The following MBD5 variants were observed in gnomAD, a reference collection of about 807,000 sequenced individuals.
The protein encoded by MBD5 is methyl-CpG-binding domain protein 5.
Under a neutral mutation model 117.3 loss-of-function variants are expected in MBD5, and 13 were observed. The observed-to-expected ratio is 0.11, with a 90% CI of 0.07 to 0.18. The LOEUF (loss-of-function observed/expected upper bound fraction) is 0.18, where lower values mean the gene tolerates loss of function less well. Ranked by LOEUF, MBD5 falls within the 10% of genes least tolerant of loss-of-function variation. The pLI, the probability that MBD5 is intolerant of heterozygous loss-of-function variation, is 1.00. For synonymous variants in MBD5, 727 were observed against 766.4 expected, an observed-to-expected ratio of 0.95 and a Z score of 0.85; for missense variants, 1,879 against 2,093.8, an observed-to-expected ratio of 0.90 and a Z score of 2.00.
intron 3 of MBD5, among the ~76,000 whole-genome samples, chr2:148,307,374 T>A (rs559230059): frequency 7.4e-6 from 1 of 134,840 alleles, no homozygotes; most frequent in African/African-American, 2.7e-5. Context: ...TCTTAGCAAC[T>A]TGATTATACA....
At chr2:148,314,831 A>T (rs1702122146) in intron 3 of MBD5, among the ~76,000 whole-genome samples, 5 of 152,174 alleles carry the variant, frequency 3.3e-5, no homozygotes, top group African/African-American at 1.2e-4. Flanking sequence ...TTACCAAAAC[A>T]GTTGGCAACT....
chr2:148,088,545 G>A (rs1410758003), intron 1 of MBD5, among the ~76,000 whole-genome samples: 1 of 151,996 alleles, frequency 6.6e-6, no homozygotes, highest in East Asian at 1.9e-4. Context: ...AAGGGACTAG[G>A]GTCCTATTTT....
chr2:148,068,940 A>T (rs929672199), intron 1 of MBD5, among the ~76,000 whole-genome samples: 1 of 152,236 alleles, frequency 6.6e-6, no homozygotes, highest in Non-Finnish European at 1.5e-5. Context: ...TATAACCAAT[A>T]GGTGAGAGAA....
At chr2:148,404,451 T>G (rs900317537) in intron 4 of MBD5, among the ~76,000 whole-genome samples, 1 of 148,888 alleles carries the variant, frequency 6.7e-6, no homozygotes, top group Admixed American at 6.7e-5. Context: ...AAAGGAAACT[T>G]CTATAGATCC....
At chr2:148,052,283 T>C (rs1694732254) in intron 1 of MBD5, among the ~76,000 whole-genome samples, 1 of 148,158 alleles carries the variant, frequency 6.7e-6, no homozygotes, top group South Asian at 2.2e-4. Flanking sequence ...CAATCTTGGC[T>C]CACTGCAACC....
intron 3 of MBD5, among the ~76,000 whole-genome samples, chr2:148,327,636 G>A (rs1702496133): frequency 6.6e-6 from 1 of 151,164 alleles, no homozygotes; most frequent in Non-Finnish European, 1.5e-5. Flanking sequence ...GATCGCATTG[G>A]CTCCTGAGGC....
At chr2:148,304,746 G>A (rs1035242635) in intron 3 of MBD5, among the ~76,000 whole-genome samples, 2 of 152,138 alleles carry the variant, frequency 1.3e-5, no homozygotes, top group African/African-American at 2.4e-5. Context: ...GAGAATTCTG[G>A]CTGAACTGAC....
intron 1 of MBD5, among the ~76,000 whole-genome samples, chr2:148,139,837 C>T (rs540813948): frequency 6.6e-5 from 10 of 152,306 alleles, no homozygotes; most frequent in African/African-American, 2.4e-4. Flanking sequence ...TGGGCCCCAA[C>T]ATATCCTGTT....
At chr2:148,355,578 T>C (rs1703360914) in intron 4 of MBD5, among the ~76,000 whole-genome samples, 1 of 152,182 alleles carries the variant, frequency 6.6e-6, no homozygotes, top group Admixed American at 6.5e-5. Flanking sequence ...TTGTCAAAGA[T>C]CTGATGGTTG....
intron 3 of MBD5, among the ~76,000 whole-genome samples, chr2:148,268,931 C>G (rs1010337685): frequency 6.6e-6 from 1 of 151,556 alleles, no homozygotes. Flanking sequence ...TCTTTCATGC[C>G]TAGTACAATG....
intron 3 of MBD5, among the ~76,000 whole-genome samples, chr2:148,325,845 C>T (rs13386157): frequency 0.15 from 23,089 of 152,042 alleles, 2,086 homozygotes; most frequent in Non-Finnish European, 0.18. Context: ...TTCAGTTCTG[C>T]TCTGATCTTA....
chr2:148,068,097 T>A (rs1277307395), intron 1 of MBD5, among the ~76,000 whole-genome samples: 10 of 152,190 alleles, frequency 6.6e-5, no homozygotes, highest in Admixed American at 2.6e-4. Flanking sequence ...ATTGAGTTGT[T>A]ACAAGAAATA....
intron 4 of MBD5, among the ~76,000 whole-genome samples, chr2:148,385,207 G>A (rs571633751): frequency 5.3e-5 from 8 of 151,996 alleles, no homozygotes; most frequent in Non-Finnish European, 1.0e-4. Flanking sequence ...TTTTGGCAAC[G>A]TACTCATCTG....
At chr2:148,463,958 C>T (rs768217835) in intron 7 of MBD5, 39 bp downstream of exon 7, 1 of 1,597,624 alleles carries the variant, frequency 6.3e-7, no homozygotes, top group Non-Finnish European at 8.6e-7. Flanking sequence ...TTCTCCTCTC[C>T]CTAGAGAAGG....
chr2:148,198,111 T>C (rs1376278192), intron 2 of MBD5, among the ~76,000 whole-genome samples: 3 of 152,210 alleles, frequency 2.0e-5, no homozygotes, highest in South Asian at 4.1e-4. Flanking sequence ...CACTAACTTA[T>C]GAATGCCATA....
intron 2 of MBD5, among the ~76,000 whole-genome samples, chr2:148,204,005 C>T (rs2105971912): frequency 6.6e-6 from 1 of 152,148 alleles, no homozygotes; most frequent in East Asian, 1.9e-4. Context: ...AACCTGAACT[C>T]TAATTTTGCT....
chr2:148,026,942 A>C (rs1693911544), intron 1 of MBD5: 2 of 147,158 alleles, frequency 1.4e-5, no homozygotes, highest in Non-Finnish European at 3.0e-5. Flanking sequence ...AAATAAAAAA[A>C]CAGTAAAAAA....
chr2:148,134,911 T>C (rs993929991), intron 1 of MBD5, among the ~76,000 whole-genome samples: 1 of 152,250 alleles, frequency 6.6e-6, no homozygotes, highest in Non-Finnish European at 1.5e-5. Context: ...AAATACTTCT[T>C]GAGTAGTTTC....
intron 2 of MBD5, among the ~76,000 whole-genome samples, chr2:148,217,982 A>G (rs2106050870): frequency 1.3e-5 from 2 of 152,300 alleles, no homozygotes; most frequent in East Asian, 3.9e-4. Context: ...TCCAAATTGC[A>G]AGACAGCTTT....
Sources: allele counts gnomAD v4.1 joint callset (sites outside exome capture counted in the v4.1 genomes callset), GRCh38; gene constraint gnomAD v4.1.1; transcripts MANE v1.5; gene names NCBI Gene and HGNC (gene_info 2026-07-23, HGNC 2026-07-21).